The following INSIG2 variants were observed in gnomAD, a reference collection of about 807,000 sequenced individuals.
The protein encoded by INSIG2 is insulin induced gene 2, also known as insulin-induced gene 2 protein.
Under a neutral mutation model 27.2 loss-of-function variants are expected in INSIG2, and 10 were observed. The observed-to-expected ratio is 0.37, with a 90% CI of 0.23 to 0.62. The LOEUF (loss-of-function observed/expected upper bound fraction) is 0.62. Among genes scored for constraint, INSIG2 ranks in the 20% least tolerant of loss-of-function variants. INSIG2 has a pLI of 0.65. For missense variants in INSIG2, 178 were observed against 270.2 expected (o/e 0.66, Z 2.39); for synonymous variants, 97 against 95.8 (o/e 1.01, Z -0.07).
Position 118,103,224 on chromosome 2 carries a change from T to A in INSIG2, c.272T>A (p.Ile91Asn). The A allele has an allele frequency of 6.2e-7, 1 of 1,613,886 alleles. No individual in the cohort carries two copies. Among genetic ancestry groups the A allele is most frequent in the Non-Finnish European group, 8.5e-7 (1 of 1,179,874 alleles). The change falls in exon 3 of 6, where the codon ATT becomes AAT. Residue 91 changes from isoleucine to asparagine, a missense_variant. Transcript: ENST00000245787. Reference sequence around the variant, plus strand: ...GTGATTGGGTTATTATACCCCTGCATTGACAGACATCTAGGAGAACCACAT... The same window carrying A: ...GTGATTGGGTTATTATACCCCTGCAATGACAGACATCTAGGAGAACCACAT... The part of the protein sequence containing the change: ...SAVIGLLYPC[I>N]DRHLGEPHKF...
chr2:118,106,591 C>A, intron 3 of INSIG2, 146 bp from the exon 4 acceptor site: 1 of 615,708 alleles, frequency 1.6e-6, no homozygotes, highest in Non-Finnish European at 2.8e-6. Flanking sequence ...TCCCACCTAG[C>A]TTCATACATT....
At chr2:118,091,825 CAG>C (rs758380360) in intron 1 of INSIG2, among the ~76,000 whole-genome samples, 5 of 152,250 alleles carry the variant, frequency 3.3e-5, no homozygotes, top group South Asian at 2.1e-4. Context: ...CATAAATAAA[CAG>C]AAAGTCTCTA....
In INSIG2 at chr2:118,109,814, A is replaced by G. The variant is rs951009455; in HGVS notation, c.*1492A>G. 2 of 152,450 alleles carry G rather than the reference A, an allele frequency of 1.3e-5. No individual in the cohort carries two copies. The highest frequency in any genetic ancestry group is 2.9e-5 in the Non-Finnish European group (2 of 68,004). The allele number at this position is 152,450 out of a possible 1,614,324, so 9.4% of individuals were successfully genotyped here. A position where few individuals can be genotyped will look rare whatever the true frequency, so the allele number is the denominator to read the frequency against. ...AGGATTTCATATTGAATATGTGTAC[A>G]CAATCTTAACTATCGTGGTGGAAAA... On this transcript the variant is annotated 3_prime_UTR_variant, in exon 6 of 6. Transcript: ENST00000245787.
intron 5 of INSIG2, among the ~76,000 whole-genome samples, chr2:118,107,860 T>C (rs1204399779): frequency 6.6e-6 from 1 of 152,172 alleles, no homozygotes; most frequent in East Asian, 1.9e-4. Context: ...CTTTATATCA[T>C]ATAGCAATTT....
chr2:118,095,526 G>A (rs964422101), intron 1 of INSIG2, among the ~76,000 whole-genome samples: 1 of 152,164 alleles, frequency 6.6e-6, no homozygotes, highest in South Asian at 2.1e-4. Flanking sequence ...CACATGTCAG[G>A]TGCTTAAAAC....
Position 118,110,500 on chromosome 2 carries a change from T to C in INSIG2, c.*2178T>C, listed in dbSNP as rs1678787688. ...GGGGGTGGAAGAAGATGTGCATTAT[T>C]AGTGGGCCCACACAGCTGAAAACCA... On this transcript the variant is annotated 3_prime_UTR_variant, in exon 6 of 6. Coordinates refer to ENST00000245787, the MANE Select transcript of INSIG2 (RefSeq NM_016133.4). 1 of 152,138 alleles carries C rather than the reference T, an allele frequency of 6.6e-6. No individual in the cohort carries two copies. Among genetic ancestry groups the C allele is most frequent in the African/African-American group, 2.4e-5 (1 of 41,412 alleles). 9.4% of individuals were successfully genotyped at this position (152,138 alleles called of 1,614,324 possible). A position where few individuals can be genotyped will look rare whatever the true frequency, so the allele number is the denominator to read the frequency against.
At chr2:118,107,678 C>G (rs962574409) in intron 5 of INSIG2, among the ~76,000 whole-genome samples, 1 of 152,140 alleles carries the variant, frequency 6.6e-6, no homozygotes, top group Non-Finnish European at 1.5e-5. Flanking sequence ...ACCTTTTTAG[C>G]CAGGTTAGGA....
Position 118,109,713 on chromosome 2 carries a change from C to G in INSIG2, c.*1391C>G, listed in dbSNP as rs964241669. 2.6e-5 allele frequency: 4 copies of G among 151,784 alleles called. No homozygotes were observed. Among genetic ancestry groups the G allele is most frequent in the Non-Finnish European group, 4.4e-5 (3 of 67,912 alleles). 9.4% of individuals were successfully genotyped at this position (151,784 alleles called of 1,614,324 possible). Reference sequence around the variant, plus strand: ...TACACTTTGAGTTTTAAAGCAATTACTATCAGACTGAGATCTTGTATGCCA... The same window carrying G: ...TACACTTTGAGTTTTAAAGCAATTAGTATCAGACTGAGATCTTGTATGCCA... On this transcript the variant is annotated 3_prime_UTR_variant, in exon 6 of 6. Coordinates refer to ENST00000245787, the MANE Select transcript of INSIG2 (RefSeq NM_016133.4).
At chr2:118,101,965 T>C (rs1284639148) in intron 2 of INSIG2, among the ~76,000 whole-genome samples, 1 of 152,206 alleles carries the variant, frequency 6.6e-6, no homozygotes. Context: ...TGCTGCACCA[T>C]TGGTCTGCTA....
At chr2:118,100,669 C>G (rs1251178534) in intron 2 of INSIG2, among the ~76,000 whole-genome samples, 1 of 152,126 alleles carries the variant, frequency 6.6e-6, no homozygotes, top group East Asian at 1.9e-4. Flanking sequence ...TGAGCCACCA[C>G]GCCTGGCCTT....
chr2:118,096,489 G>C lies in INSIG2; in HGVS notation c.-68G>C. 6.6e-7 allele frequency: 1 copy of C among 1,505,904 alleles called. No homozygotes were observed. The highest frequency in any genetic ancestry group is 2.1e-5 in the Admixed American group (1 of 47,224). 93.3% of individuals were successfully genotyped at this position (1,505,904 alleles called of 1,614,324 possible). ...AGCGTCAGTCTTTGATTCACAGACA[G>C]TTGAGCTTTTCAGCTGGGAAGCCTT... On this transcript the variant is annotated 5_prime_UTR_variant, in exon 2 of 6. Transcript: ENST00000245787.
intron 2 of INSIG2, among the ~76,000 whole-genome samples, chr2:118,098,650 A>G (rs1276853094): frequency 2.6e-5 from 4 of 152,208 alleles, no homozygotes; most frequent in Non-Finnish European, 5.9e-5. Flanking sequence ...TTGTACCTCC[A>G]CTATGAAGAG....
intron 1 of INSIG2, among the ~76,000 whole-genome samples, chr2:118,095,688 T>G (rs1409059862): frequency 6.6e-6 from 1 of 152,198 alleles, no homozygotes; most frequent in African/African-American, 2.4e-5. Flanking sequence ...TGTTCTTCAT[T>G]TTCTTCACTT....
intron 2 of INSIG2, among the ~76,000 whole-genome samples, chr2:118,100,682 C>A (rs1678524142): frequency 6.6e-6 from 1 of 152,082 alleles, no homozygotes; most frequent in African/African-American, 2.4e-5. Flanking sequence ...CTGGCCTTAC[C>A]TTTTTAAATC....
At chr2:118,090,078 G>A (rs1255182466) in intron 1 of INSIG2, among the ~76,000 whole-genome samples, 3 of 152,118 alleles carry the variant, frequency 2.0e-5, no homozygotes, top group African/African-American at 7.2e-5. Flanking sequence ...TTAAACTGTT[G>A]CATTGATTTA....
At chr2:118,096,061 CAGAG>C (rs1678397219) in intron 1 of INSIG2, among the ~76,000 whole-genome samples, 1 of 152,070 alleles carries the variant, frequency 6.6e-6, no homozygotes, top group Non-Finnish European at 1.5e-5. Context: ...GGAGAAGAAA[CAGAG>C]AGCAGGGTTT....
rs745417282 is a variant in INSIG2 at position 118,106,835 on chromosome 2, C to T, written c.468C>T (p.Gly156=). 4 of 1,614,038 alleles carry T rather than the reference C, an allele frequency of 2.5e-6. 1 individual carries two copies. In the South Asian group the frequency reaches 4.4e-5, roughly 18 times the overall value. The change falls in exon 4 of 6, where the codon GGC becomes GGT. Residue 156 remains glycine, a synonymous_variant. Transcript: ENST00000245787. ...TTGATAGATCTAGAAGTGGTTTTGG[C>T]CTTGGAGTAGGAATTGCCTTCTTGG... ...WTFDRSRSGF[G]LGVGIAFLAT... is the part of the protein sequence containing the mutation.
rs1678414268 is a variant in INSIG2, at chr2:118,096,662, T to A, written c.106T>A (p.Phe36Ile). Residue 36 changes from phenylalanine to isoleucine, a missense_variant, in exon 2 of 6, where the codon TTT becomes ATT. Coordinates refer to ENST00000245787, the MANE Select transcript of INSIG2 (RefSeq NM_016133.4). Reference protein sequence around the residue: ...VNLMIRGVVLFFIGVFLALVL... With the variant: ...VNLMIRGVVLIFIGVFLALVL... ...CTTGATGATTCGAGGAGTAGTGCTA[T>A]TTTTTATTGGAGTATTTCTTGCATT... 6.2e-7 allele frequency: 1 copy of A among 1,614,110 alleles called. No individual in the cohort carries two copies. Among genetic ancestry groups the A allele is most frequent in the Non-Finnish European group, 8.5e-7 (1 of 1,179,958 alleles).
chr2:118,090,231 G>C (rs1678192405), intron 1 of INSIG2, among the ~76,000 whole-genome samples: 1 of 152,186 alleles, frequency 6.6e-6, no homozygotes, highest in Non-Finnish European at 1.5e-5. Context: ...TGAAGAAACA[G>C]GGTTATCTGA....
Sources: gnomAD v4.1 joint callset for allele counts (sites outside exome capture counted in the v4.1 genomes callset) on GRCh38, gnomAD v4.1.1 for gene constraint, MANE v1.5 for transcripts, NCBI Gene and HGNC (gene_info 2026-07-23, HGNC 2026-07-21) for gene names.